Variants in ENOX1 observed in about 807,000 individuals in gnomAD.
ENOX1 encodes the protein candidate growth-related and time keeping constitutive hydroquinone (NADH) oxidase.
In ENOX1, 42 loss-of-function variants were observed where a neutral mutation model predicts 82.5. That is an observed-to-expected ratio of 0.51 (90% CI 0.40 to 0.66). The LOEUF is 0.66. ENOX1 is among the 30% of genes least tolerant of loss of function. The pLI, the probability that ENOX1 is intolerant of heterozygous loss-of-function variation, is 0.00. For missense variants in ENOX1, 608 were observed against 811.6 expected (o/e 0.75, Z 3.05); for synonymous variants, 271 against 282.2 (o/e 0.96, Z 0.40).
At chr13:43,683,773 C>T (rs1253591930) in intron 1 of ENOX1, among the ~76,000 whole-genome samples, 1 of 152,058 alleles carries the variant, frequency 6.6e-6, no homozygotes, top group East Asian at 1.9e-4. Flanking sequence ...GGCGACACCA[C>T]CTTGACCTCC....
intron 5 of ENOX1, among the ~76,000 whole-genome samples, chr13:43,370,181 C>A (rs1410223112): frequency 6.6e-6 from 1 of 152,132 alleles, no homozygotes; most frequent in Non-Finnish European, 1.5e-5. Context: ...ACCTGGCTAA[C>A]ACGGTGAAAC....
chr13:43,666,210 C>T (rs1344873752), intron 2 of ENOX1, among the ~76,000 whole-genome samples: 2 of 151,950 alleles, frequency 1.3e-5, no homozygotes, highest in Non-Finnish European at 2.9e-5. Flanking sequence ...CACAAACCTT[C>T]AATTTGTAAA....
chr13:43,348,995 G>A lies in ENOX1; in HGVS notation c.824-4245C>T, dbSNP rs909276193. On this transcript the variant is annotated intron_variant, in intron 8 of 16. Transcript: ENST00000690772. ...TGTTCAGTACTATCCATGGTTTCAG[G>A]CATCCACTGGGGATCTTGGAATGTA... Among the ~76,000 whole-genome samples the A allele has an allele frequency of 1.4e-4, 22 of 152,186 alleles. 1 individual carries two copies. Among genetic ancestry groups the A allele is most frequent in the Non-Finnish European group, 1.5e-5 (1 of 68,030 alleles).
chr13:43,535,864 A>C (rs1386979102), intron 2 of ENOX1, among the ~76,000 whole-genome samples: 1 of 152,222 alleles, frequency 6.6e-6, no homozygotes, highest in African/African-American at 2.4e-5. Context: ...TCTGTGCAGG[A>C]AAGTTTTAAT....
intron 15 of ENOX1, among the ~76,000 whole-genome samples, chr13:43,227,832 T>G (rs2042095983): frequency 6.6e-6 from 1 of 152,082 alleles, no homozygotes; most frequent in South Asian, 2.1e-4. Context: ...CAGTCACAAA[T>G]AGGCTTCCCA....
rs201924345 is a variant in ENOX1, at chr13:43,213,985, C to T, written c.*5G>A. The stretch of plus-strand genomic sequence containing the variant: ...TCATTTCCAGAGATGCTTTGCTCTT[C>T]GCAGTTAGGTAGTTTTAATTCCTTC... On this transcript the variant is annotated 3_prime_UTR_variant, in exon 17 of 17. Coordinates refer to ENST00000690772, the MANE Select transcript of ENOX1 (RefSeq NM_001347969.2). 3.3e-5 allele frequency: 53 copies of T among 1,612,862 alleles called. No individual in the cohort carries two copies. In the African/African-American group the frequency reaches 5.3e-4, roughly 16 times the overall value.
intron 1 of ENOX1, among the ~76,000 whole-genome samples, chr13:43,705,315 T>TCA (rs2087189358): frequency 3.7e-5 from 1 of 26,756 alleles, no homozygotes; most frequent in Non-Finnish European, 9.8e-5. Flanking sequence ...ACTCTCTCTC[T>TCA]CTCTCTCTCT....
At chr13:43,229,545 A>C (rs1462706206) in intron 15 of ENOX1, among the ~76,000 whole-genome samples, 1 of 152,108 alleles carries the variant, frequency 6.6e-6, no homozygotes, top group Non-Finnish European at 1.5e-5. Flanking sequence ...TTTGGATTAG[A>C]TTTAAATTCT....
intron 2 of ENOX1, among the ~76,000 whole-genome samples, chr13:43,524,884 C>G (rs1426397725): frequency 1.3e-5 from 2 of 152,076 alleles, no homozygotes; most frequent in East Asian, 3.9e-4. Flanking sequence ...TCTGATTCCA[C>G]TCTCATTTGT....
chr13:43,583,828 T>C (rs1566575588), intron 2 of ENOX1, among the ~76,000 whole-genome samples: 1 of 152,142 alleles, frequency 6.6e-6, no homozygotes, highest in Non-Finnish European at 1.5e-5. Context: ...CTTTTCTTTT[T>C]TTTTTTTTTA....
intron 2 of ENOX1, among the ~76,000 whole-genome samples, chr13:43,659,288 A>G (rs1385376767): frequency 6.6e-6 from 1 of 152,076 alleles, no homozygotes; most frequent in Non-Finnish European, 1.5e-5. Context: ...AAGGAGTTCA[A>G]GACCAGCCTG....
intron 1 of ENOX1, among the ~76,000 whole-genome samples, chr13:43,705,496 CA>C (rs1302715444): frequency 6.6e-6 from 1 of 151,342 alleles, no homozygotes. Flanking sequence ...AAAAATACAT[CA>C]AATATTCCAC....
At chr13:43,299,304 T>C (rs1410630586) in intron 11 of ENOX1, among the ~76,000 whole-genome samples, 3 of 152,026 alleles carry the variant, frequency 2.0e-5, no homozygotes, top group African/African-American at 7.2e-5. Flanking sequence ...AAGAAACAAA[T>C]GGTACCAAAC....
At chr13:43,450,117 T>G (rs1246481778) in intron 3 of ENOX1, among the ~76,000 whole-genome samples, 1 of 152,176 alleles carries the variant, frequency 6.6e-6, no homozygotes, top group Non-Finnish European at 1.5e-5. Context: ...TTAAGCAGAT[T>G]TACAACGTTC....
At chr13:43,641,982 C>T (rs954064259) in intron 2 of ENOX1, among the ~76,000 whole-genome samples, 1 of 152,160 alleles carries the variant, frequency 6.6e-6, no homozygotes, top group Admixed American at 6.5e-5. Context: ...TTATTGACTA[C>T]TTACTACGTA....
intron 16 of ENOX1, among the ~76,000 whole-genome samples, chr13:43,222,563 C>G (rs2041847410): frequency 6.6e-6 from 1 of 152,188 alleles, no homozygotes; most frequent in South Asian, 2.1e-4. Context: ...ACAAAGGCTT[C>G]TCACTTGGGA....
chr13:43,353,692 C>T (rs999590301), intron 8 of ENOX1, among the ~76,000 whole-genome samples: 57 of 152,326 alleles, frequency 3.7e-4, no homozygotes, highest in African/African-American at 1.3e-3. Flanking sequence ...AATTGTCAAG[C>T]TTGATATTAC....
At chr13:43,378,692 A>G (rs1013396516) in intron 5 of ENOX1, among the ~76,000 whole-genome samples, 1 of 152,210 alleles carries the variant, frequency 6.6e-6, no homozygotes, top group African/African-American at 2.4e-5. Context: ...CTTCCCAGTA[A>G]CTTAAATGGG....
chr13:43,780,088 G>A (rs1021114544), intron 1 of ENOX1, among the ~76,000 whole-genome samples: 2 of 151,666 alleles, frequency 1.3e-5, no homozygotes, highest in South Asian at 4.2e-4. Flanking sequence ...GTGAACCCGG[G>A]AGGCAGAGCT....
Sources: gnomAD v4.1 joint callset for allele counts (sites outside exome capture counted in the v4.1 genomes callset) on GRCh38, gnomAD v4.1.1 for gene constraint, MANE v1.5 for transcripts, NCBI Gene and HGNC (gene_info 2026-07-23, HGNC 2026-07-21) for gene names.